The following KIF6 variants were observed in gnomAD, a reference collection of about 807,000 sequenced individuals.
KIF6 encodes the protein kinesin-like protein KIF6.
Under a neutral mutation model 112.7 loss-of-function variants are expected in KIF6, and 106 were observed. That is an observed-to-expected ratio of 0.94 (90% confidence interval 0.80 to 1.11). The LOEUF (loss-of-function observed/expected upper bound fraction) is 1.11. Ranked by LOEUF, KIF6 falls within the 50% of genes least tolerant of loss-of-function variation. The pLI is 0.00. For missense variants in KIF6, 929 were observed against 964.0 expected (o/e 0.96, Z 0.48); for synonymous variants, 339 against 339.9 (o/e 1.00, Z 0.03).
chr6:39,382,626 A>G (rs556197408), intron 16 of KIF6, among the ~76,000 whole-genome samples: 1 of 152,270 alleles, frequency 6.6e-6, no homozygotes, highest in Admixed American at 6.5e-5. Flanking sequence ...CAATGAACAT[A>G]AGTTTGAGTG....
intron 8 of KIF6, 94 bp from the exon 9 acceptor site, chr6:39,585,078 A>T (rs1225300939): frequency 1.3e-6 from 1 of 753,452 alleles, no homozygotes; most frequent in Non-Finnish European, 2.3e-6. Flanking sequence ...AAAAAGATAC[A>T]CACCTAAAAA....
intron 3 of KIF6, among the ~76,000 whole-genome samples, chr6:39,671,263 A>G (rs1786801711): frequency 6.6e-6 from 1 of 152,226 alleles, no homozygotes; most frequent in South Asian, 2.1e-4. Flanking sequence ...TAGTATTTGT[A>G]GACTCAATAT....
chr6:39,605,093 C>A (rs1231663781), intron 6 of KIF6, among the ~76,000 whole-genome samples: 1 of 152,128 alleles, frequency 6.6e-6, no homozygotes, highest in South Asian at 2.1e-4. Flanking sequence ...CATTCTTACA[C>A]ATCATTCTTG....
rs892391397 is a variant in KIF6, at chr6:39,434,686, A to AGAGG, written c.1646-3529_1646-3526dup. On this transcript the variant is annotated intron_variant, in intron 13 of 22. Coordinates refer to ENST00000287152, the MANE Select transcript of KIF6 (RefSeq NM_145027.6). ...GAGAGGTATGTGTCCAGCATGCGGG[A>AGAGG]GAGGGAGGGAGGGAGGCAGGGACTC... Among the ~76,000 whole-genome samples, 7 of 152,168 alleles carry AGAGG rather than the reference A, an allele frequency of 4.6e-5. No homozygotes were observed. The South Asian group carries it at 8.3e-4, about 18-fold the overall frequency.
At chr6:39,645,311 C>G (rs1785103895) in intron 3 of KIF6, among the ~76,000 whole-genome samples, 1 of 152,212 alleles carries the variant, frequency 6.6e-6, no homozygotes, top group South Asian at 2.1e-4. Flanking sequence ...CCAGACACAA[C>G]ACATTTACAT....
intron 14 of KIF6, among the ~76,000 whole-genome samples, chr6:39,427,881 C>A (rs182394715): frequency 3.1e-4 from 47 of 152,282 alleles, no homozygotes; most frequent in Middle Eastern, 3.4e-3. Context: ...CAGCCCCGAC[C>A]CAAATCCCTG....
intron 13 of KIF6, among the ~76,000 whole-genome samples, chr6:39,531,082 T>C (rs1273135257): frequency 6.6e-6 from 1 of 152,146 alleles, no homozygotes; most frequent in African/African-American, 2.4e-5. Context: ...TCATTATCAT[T>C]CCATTTGTGA....
In KIF6 at chr6:39,362,530, AGG is replaced by A. The variant is rs1475063432; in HGVS notation, c.1862-14_1862-13del. 1 of 1,593,592 alleles carries A rather than the reference AGG, an allele frequency of 6.3e-7. No homozygotes were observed. Reference sequence around the variant, plus strand: ...GTTTTCCGAGATTCCTGTAGAAGGAAGGTGCCAATGGGATGGTGAGAAAGAAG... The same window carrying A: ...GTTTTCCGAGATTCCTGTAGAAGGAATGCCAATGGGATGGTGAGAAAGAAG... On this transcript the variant is annotated splice_polypyrimidine_tract_variant and intron_variant, in intron 16 of 22. Transcript: ENST00000287152.
At chr6:39,664,491 T>C (rs942078815) in intron 3 of KIF6, among the ~76,000 whole-genome samples, 5 of 152,188 alleles carry the variant, frequency 3.3e-5, no homozygotes, top group Non-Finnish European at 7.3e-5. Context: ...ACCCAAAATA[T>C]ACAGTGTTTT....
intron 2 of KIF6, among the ~76,000 whole-genome samples, chr6:39,716,725 G>A (rs1478964541): frequency 1.3e-5 from 2 of 152,062 alleles, no homozygotes; most frequent in Non-Finnish European, 2.9e-5. Context: ...ATTCTTAGGA[G>A]GTCTTTTCAT....
intron 13 of KIF6, among the ~76,000 whole-genome samples, chr6:39,456,588 G>T (rs1365075431): frequency 3.3e-5 from 4 of 123,048 alleles, no homozygotes; most frequent in African/African-American, 1.4e-4. Flanking sequence ...GTTGGATAAA[G>T]AGTCAAGACC....
intron 16 of KIF6, among the ~76,000 whole-genome samples, chr6:39,372,740 C>T (rs1481823564): frequency 6.6e-6 from 1 of 152,200 alleles, no homozygotes; most frequent in Non-Finnish European, 1.5e-5. Context: ...ACAATTCACT[C>T]TACCCTTTCT....
intron 6 of KIF6, among the ~76,000 whole-genome samples, chr6:39,608,914 TGAACAA>T (rs1182006432): frequency 2.0e-5 from 3 of 152,218 alleles, no homozygotes; most frequent in Admixed American, 1.3e-4. Flanking sequence ...AGAATAGAGA[TGAACAA>T]GACGAAAGTC....
At chr6:39,471,350 C>T (rs1367780443) in intron 13 of KIF6, among the ~76,000 whole-genome samples, 1 of 152,152 alleles carries the variant, frequency 6.6e-6, no homozygotes, top group Non-Finnish European at 1.5e-5. Flanking sequence ...CACACTCAGC[C>T]TTCTCACTGC....
intron 15 of KIF6, among the ~76,000 whole-genome samples, chr6:39,419,191 T>C (rs1050913559): frequency 8.6e-5 from 13 of 151,768 alleles, no homozygotes; most frequent in Non-Finnish European, 1.5e-4. Context: ...CCATCTCTAC[T>C]AAAATCACAA....
chr6:39,660,752 G>A (rs925147023), intron 3 of KIF6, among the ~76,000 whole-genome samples: 5 of 152,282 alleles, frequency 3.3e-5, no homozygotes, highest in Admixed American at 2.0e-4. Flanking sequence ...TAACATGAGT[G>A]TGAAATAACA....
intron 13 of KIF6, among the ~76,000 whole-genome samples, chr6:39,465,135 G>A (rs1773710030): frequency 6.6e-6 from 1 of 152,132 alleles, no homozygotes; most frequent in East Asian, 1.9e-4. Flanking sequence ...CTGCTGCTTC[G>A]GTAGGCGGGC....
At position 39,568,501 on chromosome 6, in the gene KIF6, C is replaced by T. The variant is rs189800834; in HGVS notation, c.1181+9555G>A. The stretch of plus-strand genomic sequence containing the variant: ...ATCATTTGAACAGTTTCATCCATTA[C>T]AAGAAATTAGGCACAAACTTTCTTG... On this transcript the variant is annotated intron_variant, in intron 10 of 22. Coordinates refer to ENST00000287152, the MANE Select transcript of KIF6 (RefSeq NM_145027.6). Among the ~76,000 whole-genome samples the T allele has an allele frequency of 2.2e-3, 336 of 152,098 alleles. 2 individuals are homozygous for T. Among genetic ancestry groups the T allele is most frequent in the South Asian group, 8.8e-3 (42 of 4,800 alleles).
chr6:39,604,750 C>T lies in KIF6; in HGVS notation c.639+8439G>A, dbSNP rs140226475. Reference sequence around the variant, plus strand: ...GAATGTTCTAATAATTATGATTCACCTTTATGATAAGAATAGGTCTAGTAT... The same window carrying T: ...GAATGTTCTAATAATTATGATTCACTTTTATGATAAGAATAGGTCTAGTAT... On this transcript the variant is annotated intron_variant, in intron 6 of 22. Transcript: ENST00000287152. Among the ~76,000 whole-genome samples the T allele has an allele frequency of 7.7e-3, 1,165 of 152,172 alleles. 19 individuals are homozygous for T. The highest frequency in any genetic ancestry group is 0.027 in the African/African-American group (1,108 of 41,520).
Sources: gnomAD v4.1 joint callset for allele counts (sites outside exome capture counted in the v4.1 genomes callset) on GRCh38, gnomAD v4.1.1 for gene constraint, MANE v1.5 for transcripts, NCBI Gene and HGNC (gene_info 2026-07-23, HGNC 2026-07-21) for gene names.